ZSWIM5: variants seen among roughly 807,000 people sequenced by gnomAD.
ZSWIM5 encodes the protein zinc finger SWIM-type containing 5, also known as zinc finger SWIM domain-containing protein 5.
Under a neutral mutation model 119.6 loss-of-function variants are expected in ZSWIM5, and 55 were observed. That is an observed-to-expected ratio of 0.46 (90% CI 0.37 to 0.58). ZSWIM5 has a LOEUF of 0.58. Ranked by LOEUF, ZSWIM5 falls within the 20% of genes least tolerant of loss-of-function variation. The pLI, the probability that ZSWIM5 is intolerant of heterozygous loss-of-function variation, is 0.00. For synonymous variants in ZSWIM5, 537 were observed against 606.9 expected, an observed-to-expected ratio of 0.88 and a Z score of 1.69; for missense variants, 1,193 against 1,512.8, an observed-to-expected ratio of 0.79 and a Z score of 3.51.
chr1:45,193,955 T>TATATATATATATATATATAC lies in ZSWIM5; in HGVS notation c.595+11800_595+11801insGTATATATATATATATATAT, dbSNP rs1553202842. Reference sequence around the variant, plus strand: ...GCATATGTGTATATATATATATATATACATACATGCACATATGGTAGATAA... The same window carrying TATATATATATATATATATAC: ...GCATATGTGTATATATATATATATATATATATATATATATATATACACATACATGCACATATGGTAGATAA... On this transcript the variant is annotated intron_variant, in intron 1 of 13. Transcript: ENST00000359600. 4.6e-5 allele frequency among the ~76,000 whole-genome samples: 7 copies of TATATATATATATATATATAC among 151,780 alleles called. No homozygotes were observed. The East Asian group carries it at 9.6e-4, about 21-fold the overall frequency.
intron 2 of ZSWIM5, among the ~76,000 whole-genome samples, chr1:45,084,653 G>T (rs1476305417): frequency 6.6e-6 from 1 of 152,188 alleles, no homozygotes; most frequent in Non-Finnish European, 1.5e-5. Context: ...GGGCCTACAG[G>T]CCCCAACCAA....
intron 2 of ZSWIM5, among the ~76,000 whole-genome samples, chr1:45,069,049 C>T (rs1364300749): frequency 2.6e-5 from 4 of 151,622 alleles, no homozygotes; most frequent in Non-Finnish European, 2.9e-5. Flanking sequence ...TGGGCTCATG[C>T]GATCCTCCTG....
intron 1 of ZSWIM5, among the ~76,000 whole-genome samples, chr1:45,174,930 T>G (rs966898868): frequency 6.6e-6 from 1 of 151,984 alleles, no homozygotes; most frequent in Non-Finnish European, 1.5e-5. Flanking sequence ...CCTACAGAAC[T>G]ATAAAAATCA....
chr1:45,188,599 A>C (rs529938235), intron 1 of ZSWIM5, among the ~76,000 whole-genome samples: 3 of 152,356 alleles, frequency 2.0e-5, no homozygotes, highest in Non-Finnish European at 4.4e-5. Context: ...TACATGAAGT[A>C]TATCTCACTA....
intron 1 of ZSWIM5, among the ~76,000 whole-genome samples, chr1:45,160,888 C>A (rs1416523245): frequency 2.8e-4 from 41 of 148,516 alleles, no homozygotes; most frequent in Admixed American, 2.7e-3. Flanking sequence ...GTGGCAAGAT[C>A]TCAGCTCACT....
intron 8 of ZSWIM5, among the ~76,000 whole-genome samples, chr1:45,036,817 A>G (rs2148992082): frequency 6.6e-6 from 1 of 152,208 alleles, no homozygotes; most frequent in Admixed American, 6.5e-5. Context: ...TTTTTTGGAG[A>G]CAGAGTCTTG....
intron 1 of ZSWIM5, among the ~76,000 whole-genome samples, chr1:45,193,594 C>A (rs1323899474): frequency 2.0e-5 from 3 of 152,004 alleles, no homozygotes; most frequent in Non-Finnish European, 4.4e-5. Context: ...ATCATGAGGT[C>A]ACTAGCGACC....
chr1:45,046,445 TA>T (rs978431914), intron 5 of ZSWIM5, among the ~76,000 whole-genome samples: 2 of 152,038 alleles, frequency 1.3e-5, no homozygotes, highest in African/African-American at 4.8e-5. Flanking sequence ...AGTAAAGAAT[TA>T]AGAATGACTC....
intron 1 of ZSWIM5, among the ~76,000 whole-genome samples, chr1:45,191,958 T>C (rs1646095621): frequency 1.3e-5 from 2 of 152,206 alleles, no homozygotes; most frequent in South Asian, 4.1e-4. Flanking sequence ...CCATTGCCAC[T>C]ATCTAATTTT....
Position 45,017,448 on chromosome 1 carries a change from C to T in ZSWIM5, c.*1006G>A, listed in dbSNP as rs1644861029. 6.6e-6 allele frequency: 1 copy of T among 152,234 alleles called. No homozygotes were observed. The highest frequency in any genetic ancestry group is 1.5e-5 in the Non-Finnish European group (1 of 68,042). The allele number at this position is 152,234 out of a possible 1,614,324, so 9.4% of individuals were successfully genotyped here. A position where few individuals can be genotyped will look rare whatever the true frequency, so the allele number is the denominator to read the frequency against. On this transcript the variant is annotated 3_prime_UTR_variant, in exon 14 of 14. Coordinates refer to ENST00000359600, the MANE Select transcript of ZSWIM5 (RefSeq NM_020883.2). ...ATGTGTATATCCTCACGTAGAAACT[C>T]ACAGTCCAGTGTGCACATATTCAAA...
At chr1:45,031,169 ATT>A (rs34390567) in intron 11 of ZSWIM5, among the ~76,000 whole-genome samples, 559 of 61,722 alleles carry the variant, frequency 9.1e-3, no homozygotes, top group Middle Eastern at 0.04. Flanking sequence ...TTTTGCTCTG[ATT>A]TTTTTTTTTT....
Position 45,179,638 on chromosome 1 carries a change from T to C in ZSWIM5, c.595+26118A>G, listed in dbSNP as rs573628310. Among the ~76,000 whole-genome samples the C allele has an allele frequency of 3.3e-5, 5 of 152,214 alleles. No individual in the cohort carries two copies. In the South Asian group the frequency reaches 1.0e-3, roughly 32 times the overall value. ...AGATAAAACTTCAACAAAACATTGTTGAAAGAAATTAAGATCCAATAAATG... is the reference window on the plus strand; with the variant it reads ...AGATAAAACTTCAACAAAACATTGTCGAAAGAAATTAAGATCCAATAAATG... On this transcript the variant is annotated intron_variant, in intron 1 of 13. Coordinates refer to ENST00000359600, the MANE Select transcript of ZSWIM5 (RefSeq NM_020883.2).
chr1:45,121,856 G>C (rs1246677771), intron 1 of ZSWIM5, among the ~76,000 whole-genome samples: 1 of 152,046 alleles, frequency 6.6e-6, no homozygotes, highest in Non-Finnish European at 1.5e-5. Flanking sequence ...TTAAAGTGCT[G>C]GGATTAGAGG....
At position 45,018,827 on chromosome 1, in the gene ZSWIM5, G is replaced by A; in HGVS notation, c.3185C>T (p.Pro1062Leu). The change falls in exon 14 of 14, where the codon CCC (proline) becomes CTC (leucine). Residue 1062 changes from proline (P) to leucine (L), a missense_variant. Pro to Leu is a moderately conservative substitution (Grantham distance 98). Around this residue, in one of 2 missense-constraint regions of ZSWIM5, gnomAD observed 961 missense variants for 1,290.0 expected, o/e 0.74. Transcript: ENST00000359600. This position sits in a 1 kb window ranked among gnomAD's most constrained non-coding sequence, Gnocchi z 6.7. The stretch of plus-strand genomic sequence containing the variant: ...ACAGTGCACACTCTTCACCACCAGG[G>A]GGATGAGAGCTGCCAGCTCATTCTT... ...LGKNELAALI[P>L]LVVKSVHCAT... 3 of 1,614,242 alleles carry A rather than the reference G, an allele frequency of 1.9e-6. No homozygotes were observed. Among genetic ancestry groups the A allele is most frequent in the Admixed American group, 1.7e-5 (1 of 60,034 alleles).
intron 1 of ZSWIM5, among the ~76,000 whole-genome samples, chr1:45,101,914 T>G (rs1338238079): frequency 6.6e-6 from 1 of 152,030 alleles, no homozygotes; most frequent in East Asian, 1.9e-4. Context: ...GGGGAAGGGA[T>G]AGCATTAGCA....
At chr1:45,154,238 GA>G (rs969047964) in intron 1 of ZSWIM5, among the ~76,000 whole-genome samples, 4 of 149,852 alleles carry the variant, frequency 2.7e-5, no homozygotes, top group South Asian at 2.1e-4. Flanking sequence ...TACAAAACTA[GA>G]AAAAAAAACC....
At chr1:45,174,930 T>C (rs966898868) in intron 1 of ZSWIM5, among the ~76,000 whole-genome samples, 1 of 151,984 alleles carries the variant, frequency 6.6e-6, no homozygotes, top group Non-Finnish European at 1.5e-5. Flanking sequence ...CCTACAGAAC[T>C]ATAAAAATCA....
chr1:45,156,952 A>T (rs1208151850), intron 1 of ZSWIM5, among the ~76,000 whole-genome samples: 1 of 152,128 alleles, frequency 6.6e-6, no homozygotes, highest in Non-Finnish European at 1.5e-5. Context: ...GTTGAACTTT[A>T]CACACTTCCA....
intron 2 of ZSWIM5, among the ~76,000 whole-genome samples, chr1:45,077,382 C>T (rs1209964122): frequency 3.3e-5 from 5 of 151,972 alleles, no homozygotes; most frequent in Admixed American, 2.0e-4. Context: ...TGGTAGGATC[C>T]GTGATGCCCC....
Sources: gnomAD v4.1 joint callset for allele counts (sites outside exome capture counted in the v4.1 genomes callset) on GRCh38, gnomAD v4.1.1 for gene constraint, gnomAD v4.1.1 regional missense constraint, Gnocchi (gnomAD v3.1) non-coding constraint, MANE v1.5 for transcripts, NCBI Gene and HGNC (gene_info 2026-07-23, HGNC 2026-07-21) for gene names.